CDH13: variants seen among roughly 807,000 people sequenced by gnomAD.
CDH13 encodes cadherin 13.
Under a neutral mutation model 63.8 loss-of-function variants are expected in CDH13, and 24 were observed. The observed-to-expected ratio is 0.38, with a 90% CI of 0.27 to 0.53. The LOEUF is 0.53. Among genes scored for constraint, CDH13 ranks in the 20% least tolerant of loss-of-function variants. The pLI, the probability that CDH13 is intolerant of heterozygous loss-of-function variation, is 0.85. For missense variants in CDH13, 1,049 were observed against 903.1 expected (o/e 1.16, Z -2.07); for synonymous variants, 503 against 355.3 (o/e 1.42, Z -4.67).
intron 10 of CDH13, among the ~76,000 whole-genome samples, chr16:83,705,161 T>C (rs556943725): frequency 3.9e-5 from 6 of 152,344 alleles, no homozygotes; most frequent in African/African-American, 9.6e-5. Flanking sequence ...ATCATTCTTA[T>C]AGGTTAATAA....
chr16:83,589,562 G>T (rs1305469599), intron 7 of CDH13, among the ~76,000 whole-genome samples: 2 of 151,798 alleles, frequency 1.3e-5, no homozygotes, highest in East Asian at 2.0e-4. Flanking sequence ...CAGATTCCAG[G>T]AATTAGAACA....
At chr16:82,747,862 C>T (rs1159183139) in intron 1 of CDH13, among the ~76,000 whole-genome samples, 1 of 152,168 alleles carries the variant, frequency 6.6e-6, no homozygotes. Flanking sequence ...ATTTTCCCCA[C>T]AAGTGACAAA....
chr16:82,680,065 C>T (rs1336007400), intron 1 of CDH13, among the ~76,000 whole-genome samples: 2 of 152,182 alleles, frequency 1.3e-5, no homozygotes, highest in Non-Finnish European at 1.5e-5. Context: ...CCTATCCACT[C>T]TCATCCCTCC....
intron 3 of CDH13, among the ~76,000 whole-genome samples, chr16:83,101,774 A>G (rs1362041245): frequency 6.6e-6 from 1 of 152,126 alleles, no homozygotes; most frequent in Non-Finnish European, 1.5e-5. Context: ...AGCCTGGGAG[A>G]GAGAGTGAGA....
At chr16:82,749,046 A>C (rs1400100449) in intron 1 of CDH13, among the ~76,000 whole-genome samples, 1 of 152,120 alleles carries the variant, frequency 6.6e-6, no homozygotes, top group African/African-American at 2.4e-5. Context: ...CACTCCCCTG[A>C]AATATGAGTT....
chr16:82,681,198 C>T (rs536539185), intron 1 of CDH13, among the ~76,000 whole-genome samples: 95 of 152,352 alleles, frequency 6.2e-4, no homozygotes, highest in Admixed American at 1.4e-3. Flanking sequence ...GAATGAAGTA[C>T]TCTTACATGC....
intron 6 of CDH13, among the ~76,000 whole-genome samples, chr16:83,458,242 C>G (rs943693629): frequency 1.3e-5 from 2 of 152,182 alleles, no homozygotes; most frequent in African/African-American, 4.8e-5. Flanking sequence ...ACACCTGGTT[C>G]TTTGGGCTGT....
At chr16:82,913,095 C>T (rs1482825327) in intron 2 of CDH13, among the ~76,000 whole-genome samples, 1 of 152,082 alleles carries the variant, frequency 6.6e-6, no homozygotes, top group African/African-American at 2.4e-5. Flanking sequence ...GTATGAGACT[C>T]TCTGAGTAAG....
At chr16:83,370,769 A>G (rs2091352206) in intron 6 of CDH13, among the ~76,000 whole-genome samples, 2 of 152,170 alleles carry the variant, frequency 1.3e-5, no homozygotes, top group Non-Finnish European at 1.5e-5. Flanking sequence ...AATGGTCTCC[A>G]TTTCCATCCA....
intron 1 of CDH13, among the ~76,000 whole-genome samples, chr16:82,736,625 T>C (rs1435915040): frequency 6.6e-6 from 1 of 152,186 alleles, no homozygotes; most frequent in Non-Finnish European, 1.5e-5. Flanking sequence ...TTTTCCTCTC[T>C]CCGCTAGCTT....
At chr16:83,688,975 A>G (rs1272202846) in intron 10 of CDH13, among the ~76,000 whole-genome samples, 1 of 152,206 alleles carries the variant, frequency 6.6e-6, no homozygotes. Flanking sequence ...GAAGATTTTC[A>G]TTATTCATGT....
chr16:82,958,783 C>A (rs184574802), intron 2 of CDH13, among the ~76,000 whole-genome samples: 1 of 152,238 alleles, frequency 6.6e-6, no homozygotes, highest in African/African-American at 2.4e-5. Flanking sequence ...GAAAGAGAGA[C>A]GGTTAACTTG....
intron 2 of CDH13, among the ~76,000 whole-genome samples, chr16:82,890,808 C>T (rs181440489): frequency 6.6e-6 from 1 of 152,048 alleles, no homozygotes; most frequent in Non-Finnish European, 1.5e-5. Flanking sequence ...TGCACCACCA[C>T]GCCCAGCTAA....
intron 2 of CDH13, among the ~76,000 whole-genome samples, chr16:82,884,957 A>G (rs1322104177): frequency 2.6e-5 from 4 of 152,146 alleles, no homozygotes; most frequent in Admixed American, 6.5e-5. Flanking sequence ...AGAAAATCCC[A>G]TTTGCACATT....
chr16:82,781,944 T>C (rs1040263148), intron 1 of CDH13, among the ~76,000 whole-genome samples: 4 of 152,228 alleles, frequency 2.6e-5, no homozygotes, highest in Admixed American at 1.3e-4. Flanking sequence ...GTTTACTGTG[T>C]CTGAAGGATT....
chr16:82,957,043 T>G (rs974997511), intron 2 of CDH13, among the ~76,000 whole-genome samples: 2 of 152,110 alleles, frequency 1.3e-5, no homozygotes, highest in Non-Finnish European at 2.9e-5. Flanking sequence ...CTGGCTTCCC[T>G]CTTATTTTAT....
chr16:83,038,656 G>A (rs1360329490), intron 3 of CDH13, among the ~76,000 whole-genome samples: 1 of 152,312 alleles, frequency 6.6e-6, no homozygotes, highest in East Asian at 1.9e-4. Context: ...CTGCGTGTGT[G>A]TGTTTGTGTG....
At chr16:83,359,011 C>T (rs555266189) in intron 6 of CDH13, among the ~76,000 whole-genome samples, 31 of 152,192 alleles carry the variant, frequency 2.0e-4, no homozygotes, top group African/African-American at 5.1e-4. Flanking sequence ...GTGCTGGCTT[C>T]GTGTCCACAT....
At chr16:82,830,818 C>T (rs1281975824) in intron 1 of CDH13, among the ~76,000 whole-genome samples, 1 of 152,112 alleles carries the variant, frequency 6.6e-6, no homozygotes, top group African/African-American at 2.4e-5. Context: ...ATAATCCCAC[C>T]CTGGGCATAG....
Sources: gnomAD v4.1 joint callset for allele counts (sites outside exome capture counted in the v4.1 genomes callset) on GRCh38, gnomAD v4.1.1 for gene constraint, MANE v1.5 for transcripts, NCBI Gene and HGNC (gene_info 2026-07-23, HGNC 2026-07-21) for gene names.